PRKCE: variants seen among roughly 807,000 people sequenced by gnomAD.
The protein encoded by PRKCE is protein kinase C epsilon type.
PRKCE carries 16 observed loss-of-function variants against 85.4 expected under a neutral mutation model. That is an observed-to-expected ratio of 0.19 (90% CI 0.13 to 0.28). The LOEUF (loss-of-function observed/expected upper bound fraction) is 0.28, where lower values mean the gene tolerates loss of function less well. Among genes scored for constraint, PRKCE ranks in the 10% least tolerant of loss-of-function variants. The pLI is 1.00. For missense variants in PRKCE, 573 were observed against 975.2 expected (o/e 0.59, Z 5.49); for synonymous variants, 388 against 371.5 (o/e 1.04, Z -0.51).
At chr2:45,735,990 T>C (rs544581026) in intron 1 of PRKCE, among the ~76,000 whole-genome samples, 1 of 151,962 alleles carries the variant, frequency 6.6e-6, no homozygotes, top group African/African-American at 2.4e-5. Context: ...TGAGAGAGAG[T>C]CTCACCGTCA....
intron 14 of PRKCE, among the ~76,000 whole-genome samples, chr2:46,174,758 G>A (rs1679261402): frequency 6.6e-6 from 1 of 152,070 alleles, no homozygotes; most frequent in Non-Finnish European, 1.5e-5. Context: ...ATATGATCTT[G>A]GCTCTCTTGC....
chr2:46,145,238 C>G lies in PRKCE; in HGVS notation c.1731+7C>G. ...TGACTACATAGCTCCTGAGGTAAGA[C>G]CTGTGTGCAAAGGTTCACCTCCTCC... On this transcript the variant is annotated splice_region_variant and intron_variant, in intron 12 of 14. Transcript: ENST00000306156. The surrounding 1 kb of genome is among the most constrained non-coding windows in gnomAD (Gnocchi z 4.6). 1 of 1,599,590 alleles carries G rather than the reference C, an allele frequency of 6.3e-7. No individual in the cohort carries two copies. Among genetic ancestry groups the G allele is most frequent in the South Asian group, 1.1e-5 (1 of 91,068 alleles).
chr2:45,919,032 A>G (rs556914992), intron 2 of PRKCE, among the ~76,000 whole-genome samples: 1 of 152,288 alleles, frequency 6.6e-6, no homozygotes, highest in Admixed American at 6.5e-5. Context: ...GGGTGTCAGA[A>G]CAGTTAGGCT....
chr2:45,845,114 C>T (rs895980445), intron 2 of PRKCE, among the ~76,000 whole-genome samples: 2 of 141,250 alleles, frequency 1.4e-5, no homozygotes, highest in African/African-American at 5.3e-5. Context: ...TCCTTTCTTT[C>T]GATGGTGGGT....
chr2:46,034,663 G>T (rs1389379377), intron 10 of PRKCE, among the ~76,000 whole-genome samples: 1 of 152,232 alleles, frequency 6.6e-6, no homozygotes, highest in Non-Finnish European at 1.5e-5. Context: ...GCTTAGGAGA[G>T]GCAACCTAGC....
intron 14 of PRKCE, among the ~76,000 whole-genome samples, chr2:46,168,798 G>A (rs764763576): frequency 2.0e-5 from 3 of 152,348 alleles, no homozygotes; most frequent in Non-Finnish European, 4.4e-5. Context: ...TGGGGAGGCT[G>A]GGAGCCAGCG....
Position 45,862,758 on chromosome 2 carries a change from AG to A in PRKCE, c.412+19697del, listed in dbSNP as rs150841214. 9.7e-3 allele frequency among the ~76,000 whole-genome samples: 1,477 copies of A among 152,310 alleles called. 25 individuals carry two copies. Among genetic ancestry groups the A allele is most frequent in the African/African-American group, 0.033 (1,376 of 41,560 alleles). On this transcript the variant is annotated intron_variant, in intron 2 of 14. Transcript: ENST00000306156. The stretch of plus-strand genomic sequence containing the variant: ...AAAGTCAGCTCTATTCTGCTCCCCA[AG>A]GCTGTGTGTGTTTATATGTGTGTGG...
intron 2 of PRKCE, among the ~76,000 whole-genome samples, chr2:45,944,018 G>T (rs1185254197): frequency 1.3e-5 from 2 of 152,212 alleles, no homozygotes; most frequent in East Asian, 1.9e-4. Context: ...GATAGATGGT[G>T]GGGGCGATGG....
At position 45,769,542 on chromosome 2, in the gene PRKCE, T is replaced by G. The variant is rs182869644; in HGVS notation, c.349-73458T>G. Among the ~76,000 whole-genome samples the G allele has an allele frequency of 6.6e-5, 10 of 152,348 alleles. No individual in the cohort carries two copies. The East Asian group carries it at 1.9e-3, about 29-fold the overall frequency. ...AGCAGGGATCTTGGGCCCCGGAAAC[T>G]GAAGAACTAACCATTTTTCATCCAG... is the stretch of plus-strand genomic sequence containing the variant. On this transcript the variant is annotated intron_variant, in intron 1 of 14. Transcript: ENST00000306156.
chr2:45,761,973 C>G (rs1318621811), intron 1 of PRKCE, among the ~76,000 whole-genome samples: 1 of 152,180 alleles, frequency 6.6e-6, no homozygotes, highest in Non-Finnish European at 1.5e-5. Context: ...CAGGGAGTTA[C>G]TGCAGATCAG....
At chr2:45,783,166 A>G (rs954518070) in intron 1 of PRKCE, among the ~76,000 whole-genome samples, 15 of 152,130 alleles carry the variant, frequency 9.9e-5, no homozygotes, top group Non-Finnish European at 5.9e-5. Flanking sequence ...TTTATTTTCA[A>G]TTGAAGCTCT....
At position 45,919,794 on chromosome 2, in the gene PRKCE, C is replaced by T. The variant is rs565161410; in HGVS notation, c.413-56635C>T. On this transcript the variant is annotated intron_variant, in intron 2 of 14. Transcript: ENST00000306156. The stretch of plus-strand genomic sequence containing the variant: ...ATGTACCATGGCATGTGTGGAGTCC[C>T]TTCTGCTGAGTGAAAGCAGAAGGAA... Among the ~76,000 whole-genome samples the T allele has an allele frequency of 2.6e-4, 39 of 152,362 alleles. 1 individual carries two copies. Among genetic ancestry groups the T allele is most frequent in the Admixed American group, 2.5e-3 (38 of 15,308 alleles).
In PRKCE at chr2:46,066,717, T is replaced by C. The variant is rs1173095483; in HGVS notation, c.1438-19491T>C. Among the ~76,000 whole-genome samples, 6 of 152,188 alleles carry C rather than the reference T, an allele frequency of 3.9e-5. No individual in the cohort carries two copies. The South Asian group carries it at 8.3e-4, about 21-fold the overall frequency. The stretch of plus-strand genomic sequence containing the variant: ...GTTGTCACTGGCTGACCCTTGGTTA[T>C]AAGTACGTGGGAACTATGTCCTGGG... On this transcript the variant is annotated intron_variant, in intron 10 of 14. Transcript: ENST00000306156.
At chr2:45,741,428 T>TGG (rs1682559292) in intron 1 of PRKCE, among the ~76,000 whole-genome samples, 1 of 151,276 alleles carries the variant, frequency 6.6e-6, no homozygotes, top group Non-Finnish European at 1.5e-5. Context: ...TTGGGCCGAC[T>TGG]GGGGACAAAT....
At chr2:46,119,001 C>T (rs1483200215) in intron 11 of PRKCE, among the ~76,000 whole-genome samples, 4 of 152,150 alleles carry the variant, frequency 2.6e-5, no homozygotes, top group Non-Finnish European at 4.4e-5. Flanking sequence ...TGCACGAACT[C>T]GGCTCCAGGA....
chr2:45,839,299 A>T (rs1691155125), intron 1 of PRKCE, among the ~76,000 whole-genome samples: 2 of 152,124 alleles, frequency 1.3e-5, no homozygotes, highest in South Asian at 4.1e-4. Flanking sequence ...TTCTGCCCTG[A>T]TTTGACACCA....
intron 10 of PRKCE, among the ~76,000 whole-genome samples, chr2:46,061,690 G>A (rs930933211): frequency 2.0e-5 from 3 of 152,134 alleles, no homozygotes; most frequent in Admixed American, 6.5e-5. Flanking sequence ...AAGGATTCCC[G>A]GAGTAGCATT....
chr2:45,658,484 C>T (rs572335840), intron 1 of PRKCE, among the ~76,000 whole-genome samples: 1 of 152,290 alleles, frequency 6.6e-6, no homozygotes, highest in African/African-American at 2.4e-5. Flanking sequence ...CTCAATGGAC[C>T]GCTCTCCCTG....
At chr2:45,982,839 G>C (rs1000272842) in intron 5 of PRKCE, among the ~76,000 whole-genome samples, 10 of 152,122 alleles carry the variant, frequency 6.6e-5, no homozygotes, top group African/African-American at 2.4e-4. Context: ...TGGATTTCTT[G>C]GTCACCTGGG....
Sources: gnomAD v4.1 joint callset for allele counts (sites outside exome capture counted in the v4.1 genomes callset) on GRCh38, gnomAD v4.1.1 for gene constraint, Gnocchi (gnomAD v3.1) non-coding constraint, MANE v1.5 for transcripts, NCBI Gene and HGNC (gene_info 2026-07-23, HGNC 2026-07-21) for gene names.